ATF7: variants seen among roughly 807,000 people sequenced by gnomAD.
The protein encoded by ATF7 is cyclic AMP-dependent transcription factor ATF-7.
In ATF7, 10 loss-of-function variants were observed where a neutral mutation model predicts 50.4. That is an observed-to-expected ratio of 0.20 (90% confidence interval 0.12 to 0.34). The LOEUF (loss-of-function observed/expected upper bound fraction) is 0.34, where lower values mean the gene tolerates loss of function less well. Ranked by LOEUF, ATF7 falls within the 10% of genes least tolerant of loss-of-function variation. The pLI, the probability that ATF7 is intolerant of heterozygous loss-of-function variation, is 1.00. For synonymous variants in ATF7, 201 were observed against 226.4 expected (o/e 0.89, Z 1.01); for missense variants, 465 against 613.9 (o/e 0.76, Z 2.56).
chr12:53,561,159 T>C (rs1053474344), intron 2 of ATF7, among the ~76,000 whole-genome samples: 2 of 151,782 alleles, frequency 1.3e-5, no homozygotes, highest in African/African-American at 2.4e-5. Flanking sequence ...CCAGGCTGAC[T>C]GCAAACTCTT....
chr12:53,589,358 A>G (rs1942852164), intron 2 of ATF7, among the ~76,000 whole-genome samples: 2 of 152,234 alleles, frequency 1.3e-5, no homozygotes, highest in Non-Finnish European at 2.9e-5. Flanking sequence ...TCAGTGAGCT[A>G]TAATTATTGC....
At chr12:53,543,732 G>T (rs762286428) in intron 3 of ATF7, 6 of 348,222 alleles carry the variant, frequency 1.7e-5, no homozygotes, top group Non-Finnish European at 2.6e-5. Flanking sequence ...GTTTTACCTC[G>T]TTTACCTCCA....
At chr12:53,621,697 G>A (rs1944387977) in intron 1 of ATF7, among the ~76,000 whole-genome samples, 1 of 150,270 alleles carries the variant, frequency 6.7e-6, no homozygotes, top group African/African-American at 2.5e-5. Flanking sequence ...GCTGAGGCAG[G>A]AGAATCGCTT....
intron 2 of ATF7, among the ~76,000 whole-genome samples, chr12:53,594,735 A>C (rs1001568667): frequency 5.9e-5 from 9 of 152,238 alleles, no homozygotes; most frequent in Admixed American, 2.6e-4. Flanking sequence ...TAAAAAATAC[A>C]AAAATTAGCC....
In ATF7 at chr12:53,601,002, T is replaced by C. The variant is rs1176424127; in HGVS notation, c.-2A>G. 2 of 1,613,366 alleles carry C rather than the reference T, an allele frequency of 1.2e-6. No homozygotes were observed. Among genetic ancestry groups the C allele is most frequent in the Admixed American group, 3.3e-5 (2 of 59,952 alleles). ...CACAAACGGTCTGTCGTCTCCCATA[T>C]TTCATATAGCAGAGAGGAGCTGAGG... On this transcript the variant is annotated 5_prime_UTR_variant, in exon 2 of 12. Transcript: ENST00000420353.
chr12:53,600,907 T>G (rs1483516251), intron 2 of ATF7, 46 bp downstream of exon 2: 2 of 1,593,748 alleles, frequency 1.3e-6, no homozygotes, highest in East Asian at 4.5e-5. Flanking sequence ...AACAGCCACT[T>G]TGATTCACAA....
chr12:53,566,994 C>T (rs1429745297), intron 2 of ATF7, among the ~76,000 whole-genome samples: 2 of 152,106 alleles, frequency 1.3e-5, no homozygotes, highest in African/African-American at 2.4e-5. Flanking sequence ...CCTTGTGATC[C>T]GCCCGCCTCT....
chr12:53,591,904 C>T (rs548946905), intron 2 of ATF7, among the ~76,000 whole-genome samples: 33 of 152,250 alleles, frequency 2.2e-4, no homozygotes, highest in South Asian at 8.3e-4. Flanking sequence ...TGACTTTCCC[C>T]GCACAGCCAC....
intron 11 of ATF7, among the ~76,000 whole-genome samples, chr12:53,518,342 A>G (rs1937857963): frequency 6.6e-6 from 1 of 152,280 alleles, no homozygotes; most frequent in African/African-American, 2.4e-5. Context: ...CTAGGCATTA[A>G]TGATTATAAA....
At chr12:53,617,124 G>A (rs1247954) in intron 1 of ATF7, among the ~76,000 whole-genome samples, 551 of 152,132 alleles carry the variant, frequency 3.6e-3, no homozygotes, top group Middle Eastern at 0.027. Context: ...CTGAGCTGAA[G>A]CAATCCTCCC....
rs960695889 is a variant in ATF7, at chr12:53,514,462, T to C, written c.*2675A>G. 1 of 152,206 alleles carries C rather than the reference T, an allele frequency of 6.6e-6. No homozygotes were observed. The highest frequency in any genetic ancestry group is 1.5e-5 in the Non-Finnish European group (1 of 68,044). 9.4% of individuals were successfully genotyped at this position (152,206 alleles called of 1,614,324 possible). A position where few individuals can be genotyped will look rare whatever the true frequency, so the allele number is the denominator to read the frequency against. ...CAAAGATTTGGGGAGAGTGACCACA[T>C]GGCTGGTAGCAATAACAAGGTAAGT... On this transcript the variant is annotated 3_prime_UTR_variant, in exon 12 of 12. Coordinates refer to ENST00000420353, the MANE Select transcript of ATF7 (RefSeq NM_006856.3).
rs540039138 is a variant in ATF7 at position 53,591,787 on chromosome 12, G to C, written c.48+9166C>G. Among the ~76,000 whole-genome samples, 37 of 152,302 alleles carry C rather than the reference G, an allele frequency of 2.4e-4. No individual in the cohort carries two copies. The South Asian group carries it at 7.3e-3, about 30-fold the overall frequency. ...TGGCTCTTTGAGAGACCATGTCTTTGATAAGCAGCGGTGCAACTCTGACAG... is the reference window on the plus strand; with the variant it reads ...TGGCTCTTTGAGAGACCATGTCTTTCATAAGCAGCGGTGCAACTCTGACAG... On this transcript the variant is annotated intron_variant, in intron 2 of 11. Coordinates refer to ENST00000420353, the MANE Select transcript of ATF7 (RefSeq NM_006856.3).
intron 2 of ATF7, among the ~76,000 whole-genome samples, chr12:53,589,801 T>C (rs1374711124): frequency 6.6e-6 from 1 of 152,210 alleles, no homozygotes; most frequent in African/African-American, 2.4e-5. Context: ...CCTTCCCCCA[T>C]ATTTTATCAA....
intron 2 of ATF7, among the ~76,000 whole-genome samples, chr12:53,587,834 T>TAC (rs1942767942): frequency 4.2e-5 from 2 of 47,318 alleles, no homozygotes; most frequent in Non-Finnish European, 9.4e-5. Flanking sequence ...TATATATATA[T>TAC]ATATATATAT....
intron 2 of ATF7, among the ~76,000 whole-genome samples, chr12:53,564,732 C>T (rs1321603841): frequency 1.3e-5 from 2 of 152,210 alleles, no homozygotes; most frequent in Non-Finnish European, 2.9e-5. Context: ...GGGTCTTCAT[C>T]GTTATGATCT....
chr12:53,541,744 G>T lies in ATF7; in HGVS notation c.264+1586C>A, dbSNP rs76171001. Among the ~76,000 whole-genome samples, 109 of 152,264 alleles carry T rather than the reference G, an allele frequency of 7.2e-4. 1 individual carries two copies. Among genetic ancestry groups the T allele is most frequent in the African/African-American group, 2.5e-3 (102 of 41,536 alleles). On this transcript the variant is annotated intron_variant, in intron 4 of 11. Transcript: ENST00000420353. ...TCCCTTTAGACCACATGGAATAAAT[G>T]TAATCCCTCTTTTAATGAATACTCT...
chr12:53,601,407 T>C (rs1943397935), intron 1 of ATF7, among the ~76,000 whole-genome samples: 1 of 152,128 alleles, frequency 6.6e-6, no homozygotes, highest in Admixed American at 6.5e-5. Flanking sequence ...GACCAAAATT[T>C]GTCATTTAAT....
intron 2 of ATF7, among the ~76,000 whole-genome samples, chr12:53,580,288 G>C (rs186568897): frequency 6.7e-6 from 1 of 149,906 alleles, no homozygotes; most frequent in East Asian, 1.9e-4. Flanking sequence ...AAGAGACAAT[G>C]TCAGAGTCAA....
At chr12:53,616,018 C>A (rs1944102024) in intron 1 of ATF7, among the ~76,000 whole-genome samples, 1 of 152,086 alleles carries the variant, frequency 6.6e-6, no homozygotes, top group African/African-American at 2.4e-5. Flanking sequence ...CAAAAATTGA[C>A]CGGTTTAGCA....
Sources: allele counts gnomAD v4.1 joint callset (sites outside exome capture counted in the v4.1 genomes callset), GRCh38; gene constraint gnomAD v4.1.1; transcripts MANE v1.5; gene names NCBI Gene and HGNC (gene_info 2026-07-23, HGNC 2026-07-21).